The following ACBD6 variants were observed in gnomAD, a reference collection of about 807,000 sequenced individuals.
The protein encoded by ACBD6 is acyl-CoA binding domain containing 6.
ACBD6 carries 28 observed loss-of-function variants against 37.2 expected under a neutral mutation model. That is an observed-to-expected ratio of 0.75 (90% CI 0.56 to 1.03). ACBD6 has a LOEUF of 1.03. Ranked by LOEUF, ACBD6 falls within the 50% of genes least tolerant of loss-of-function variation. The probability of loss-of-function intolerance (pLI) is 0.00; values close to 1 mark genes in which losing one functional copy is unlikely to be tolerated. For synonymous variants in ACBD6, 113 were observed against 126.8 expected, an observed-to-expected ratio of 0.89 and a Z score of 0.73; for missense variants, 340 against 337.4, an observed-to-expected ratio of 1.01 and a Z score of -0.06.
intron 9 of ACBD6, among the ~76,000 whole-genome samples, chr1:180,280,396 G>A (rs1649273554): frequency 6.6e-6 from 1 of 151,704 alleles, no homozygotes; most frequent in African/African-American, 2.4e-5. Flanking sequence ...AATTTACTTA[G>A]GTACAAAGCA....
chr1:180,318,156 C>A, intron 6 of ACBD6, among the ~76,000 whole-genome samples: 1 of 93,466 alleles, frequency 1.1e-5, no homozygotes, highest in African/African-American at 4.3e-5. Context: ...AGTAAGATTC[C>A]ATCTCCGCCC....
At chr1:180,487,437 C>T (rs770135994) in intron 3 of ACBD6, among the ~76,000 whole-genome samples, 4 of 152,172 alleles carry the variant, frequency 2.6e-5, no homozygotes, top group Admixed American at 6.5e-5. Context: ...TGCATCCCGC[C>T]TAGAACACAA....
At chr1:180,318,156 C>G (rs1650889288) in intron 6 of ACBD6, among the ~76,000 whole-genome samples, 1 of 93,400 alleles carries the variant, frequency 1.1e-5, no homozygotes, top group African/African-American at 4.3e-5. Flanking sequence ...AGTAAGATTC[C>G]ATCTCCGCCC....
At chr1:180,279,516 T>C (rs1159027443) in intron 9 of ACBD6, among the ~76,000 whole-genome samples, 2 of 152,182 alleles carry the variant, frequency 1.3e-5, no homozygotes, top group African/African-American at 4.8e-5. Flanking sequence ...CAGGCTGGTC[T>C]CGAACTCCTG....
intron 7 of ACBD6, among the ~76,000 whole-genome samples, chr1:180,298,287 T>C (rs903250486): frequency 1.3e-5 from 2 of 152,232 alleles, no homozygotes; most frequent in African/African-American, 2.4e-5. Flanking sequence ...ACTTAGGCTT[T>C]AAAATAGGAC....
intron 6 of ACBD6, among the ~76,000 whole-genome samples, chr1:180,351,686 T>C (rs1652426329): frequency 6.6e-6 from 1 of 151,534 alleles, no homozygotes; most frequent in Admixed American, 6.6e-5. Context: ...TTGGCTAGGA[T>C]TTGGGGAAAG....
intron 1 of ACBD6, among the ~76,000 whole-genome samples, chr1:180,496,976 C>T (rs1299558887): frequency 2.6e-5 from 4 of 152,044 alleles, no homozygotes; most frequent in Non-Finnish European, 4.4e-5. Flanking sequence ...ATTAGTAGTC[C>T]GGATTTAAAT....
intron 3 of ACBD6, among the ~76,000 whole-genome samples, chr1:180,466,933 T>G (rs934202895): frequency 3.9e-5 from 6 of 152,144 alleles, no homozygotes; most frequent in East Asian, 1.9e-4. Flanking sequence ...TATATAAATA[T>G]GTATAGATGT....
At chr1:180,454,782 C>T (rs1486628931) in intron 3 of ACBD6, among the ~76,000 whole-genome samples, 1 of 152,186 alleles carries the variant, frequency 6.6e-6, no homozygotes, top group East Asian at 1.9e-4. Context: ...CTCATCATCA[C>T]TGGTCATTAG....
intron 3 of ACBD6, among the ~76,000 whole-genome samples, chr1:180,438,572 T>C (rs964387658): frequency 6.6e-6 from 1 of 152,198 alleles, no homozygotes; most frequent in Non-Finnish European, 1.5e-5. Context: ...AAAATAAGTA[T>C]AGTTCTTTTT....
intron 3 of ACBD6, among the ~76,000 whole-genome samples, chr1:180,447,245 C>T (rs189455173): frequency 3.9e-4 from 59 of 152,204 alleles, no homozygotes; most frequent in Admixed American, 1.4e-3. Context: ...CTAGCTAACA[C>T]ATTTTTTAAA....
At chr1:180,491,021 T>C (rs1651482961) in intron 3 of ACBD6, among the ~76,000 whole-genome samples, 1 of 151,314 alleles carries the variant, frequency 6.6e-6, no homozygotes, top group Admixed American at 6.6e-5. Context: ...AGTCATATCA[T>C]TAAAGATATC....
chr1:180,455,887 C>T (rs1288783164), intron 3 of ACBD6, among the ~76,000 whole-genome samples: 1 of 152,090 alleles, frequency 6.6e-6, no homozygotes, highest in Non-Finnish European at 1.5e-5. Flanking sequence ...AATATAATTA[C>T]AATCAATGAA....
At chr1:180,287,393 T>C (rs1302800539), downstream of ACBD6, 4 of 126,010 alleles carry the variant, frequency 3.2e-5, no homozygotes, top group African/African-American at 1.3e-4. Flanking sequence ...CTGGGTGACA[T>C]AGCGAGACCC....
At chr1:180,482,083 C>A (rs1651071977) in intron 3 of ACBD6, among the ~76,000 whole-genome samples, 1 of 151,882 alleles carries the variant, frequency 6.6e-6, no homozygotes, top group Non-Finnish European at 1.5e-5. Context: ...ATATGAATAA[C>A]AAGAAAAAAG....
In ACBD6 at chr1:180,419,453, AG is replaced by A. The variant is rs1648256891; in HGVS notation, c.468-5983del. 2.0e-5 allele frequency among the ~76,000 whole-genome samples: 3 copies of A among 152,306 alleles called. No homozygotes were observed. The South Asian group carries it at 6.2e-4, about 32-fold the overall frequency. On this transcript the variant is annotated intron_variant, in intron 4 of 7. Coordinates refer to ENST00000367595, the MANE Select transcript of ACBD6 (RefSeq NM_032360.4). The stretch of plus-strand genomic sequence containing the variant: ...TTTAAATAATGGTGTGCAGGAGTCA[AG>A]GAGGTAATAAGGTAGGTTCAAAATA...
At chr1:180,413,506 G>C (rs761212003) in intron 4 of ACBD6, 35 bp from the exon 5 acceptor site, 1 of 1,419,252 alleles carries the variant, frequency 7.0e-7, no homozygotes, top group Non-Finnish European at 9.9e-7. Context: ...TTTTTTACTG[G>C]GTAATACATT....
intron 4 of ACBD6, 80 bp downstream of exon 4, chr1:180,430,100 T>C (rs1648753561): frequency 8.3e-7 from 1 of 1,201,570 alleles, no homozygotes; most frequent in Admixed American, 1.7e-5. Flanking sequence ...CATATACACA[T>C]ACATAAGCAC....
intron 5 of ACBD6, 30 bp downstream of exon 5, chr1:180,413,336 A>G (rs1439454923): frequency 6.4e-7 from 1 of 1,565,464 alleles, no homozygotes. Flanking sequence ...CATGCATAGG[A>G]AAATAATTAA....
Sources: gnomAD v4.1 joint callset for allele counts (sites outside exome capture counted in the v4.1 genomes callset) on GRCh38, gnomAD v4.1.1 for gene constraint, MANE v1.5 for transcripts, NCBI Gene and HGNC (gene_info 2026-07-23, HGNC 2026-07-21) for gene names.